The following NEK7 variants were observed in gnomAD, a reference collection of about 807,000 sequenced individuals.
The protein encoded by NEK7 is NIMA related kinase 7.
In NEK7, 18 loss-of-function variants were observed where a neutral mutation model predicts 44.6. The observed-to-expected ratio is 0.40, with a 90% CI of 0.28 to 0.60. The LOEUF is 0.60. Among genes scored for constraint, NEK7 ranks in the 20% least tolerant of loss-of-function variants. The pLI, the probability that NEK7 is intolerant of heterozygous loss-of-function variation, is 0.38. For missense variants in NEK7, 256 were observed against 366.5 expected, an observed-to-expected ratio of 0.70 and a Z score of 2.46; for synonymous variants, 130 against 121.1, an observed-to-expected ratio of 1.07 and a Z score of -0.48.
intron 1 of NEK7, among the ~76,000 whole-genome samples, chr1:198,177,527 T>C (rs1023994861): frequency 2.6e-5 from 4 of 152,106 alleles, no homozygotes; most frequent in African/African-American, 9.7e-5. Flanking sequence ...ATTAAGAGTT[T>C]GGGAAAGGGA....
At chr1:198,310,444 T>C (rs1655144884) in intron 9 of NEK7, among the ~76,000 whole-genome samples, 1 of 149,048 alleles carries the variant, frequency 6.7e-6, no homozygotes, top group Non-Finnish European at 1.5e-5. Context: ...GCTCTTTAGT[T>C]TAATTAGATC....
chr1:198,210,608 G>GA (rs1223458186), intron 1 of NEK7, among the ~76,000 whole-genome samples: 2 of 134,792 alleles, frequency 1.5e-5, no homozygotes, highest in African/African-American at 2.9e-5. Flanking sequence ...AAAAGTATAT[G>GA]AAAAAATCTT....
chr1:198,214,208 G>A (rs985440222), intron 1 of NEK7, among the ~76,000 whole-genome samples: 2 of 152,016 alleles, frequency 1.3e-5, no homozygotes, highest in African/African-American at 2.4e-5. Flanking sequence ...AAAATAATTA[G>A]TAAAAATAGT....
intron 7 of NEK7, among the ~76,000 whole-genome samples, chr1:198,282,110 A>G (rs541909345): frequency 5.3e-5 from 8 of 152,216 alleles, no homozygotes; most frequent in African/African-American, 1.7e-4. Flanking sequence ...ACATTGTCTC[A>G]AAATATCTCT....
chr1:198,252,085 C>T lies in NEK7; in HGVS notation c.58-955C>T, dbSNP rs1005793185. Among the ~76,000 whole-genome samples, 131 of 152,142 alleles carry T rather than the reference C, an allele frequency of 8.6e-4. 2 individuals are homozygous for T. The highest frequency in any genetic ancestry group is 3.1e-3 in the African/African-American group (128 of 41,518). Reference sequence around the variant, plus strand: ...TTCTGGTACGTTGTGTCTTTGTTCTCGTTGGTTTCAAAGAACATCTTTATT... The same window carrying T: ...TTCTGGTACGTTGTGTCTTTGTTCTTGTTGGTTTCAAAGAACATCTTTATT... On this transcript the variant is annotated intron_variant, in intron 2 of 9. Transcript: ENST00000367385.
At chr1:198,230,423 AG>A (rs1350276757) in intron 1 of NEK7, among the ~76,000 whole-genome samples, 1 of 152,174 alleles carries the variant, frequency 6.6e-6, no homozygotes, top group African/African-American at 2.4e-5. Flanking sequence ...AGATTAAAAA[AG>A]AAAAAACATG....
At chr1:198,163,484 C>A (rs969749817) in intron 1 of NEK7, among the ~76,000 whole-genome samples, 1 of 151,434 alleles carries the variant, frequency 6.6e-6, no homozygotes, top group East Asian at 1.9e-4. Flanking sequence ...ACCGCACTCC[C>A]ACCTGGTGAC....
chr1:198,213,432 G>A (rs1665833629), intron 1 of NEK7, among the ~76,000 whole-genome samples: 1 of 152,116 alleles, frequency 6.6e-6, no homozygotes, highest in African/African-American at 2.4e-5. Context: ...TCTCCCCTTT[G>A]CCTACCACTG....
intron 1 of NEK7, among the ~76,000 whole-genome samples, chr1:198,218,618 A>G (rs1665993621): frequency 1.3e-5 from 2 of 151,984 alleles, no homozygotes; most frequent in Admixed American, 6.6e-5. Flanking sequence ...ATAAATAATC[A>G]TCAGAATAGA....
At chr1:198,241,680 G>A (rs566528228) in intron 2 of NEK7, among the ~76,000 whole-genome samples, 1 of 152,332 alleles carries the variant, frequency 6.6e-6, no homozygotes, top group South Asian at 2.1e-4. Context: ...TATTGGCTGG[G>A]ATCAGTTCTT....
chr1:198,192,734 A>G (rs1665115882), intron 1 of NEK7, among the ~76,000 whole-genome samples: 1 of 152,212 alleles, frequency 6.6e-6, no homozygotes, highest in South Asian at 2.1e-4. Flanking sequence ...AATGAAATTA[A>G]GGCAGAAATA....
At chr1:198,164,887 G>A (rs909923016) in intron 1 of NEK7, among the ~76,000 whole-genome samples, 21 of 152,158 alleles carry the variant, frequency 1.4e-4, no homozygotes, top group African/African-American at 4.6e-4. Context: ...AGAAAATCTT[G>A]TACAATTGGA....
intron 1 of NEK7, among the ~76,000 whole-genome samples, chr1:198,231,531 A>G (rs1666399677): frequency 6.6e-6 from 1 of 151,724 alleles, no homozygotes; most frequent in Non-Finnish European, 1.5e-5. Flanking sequence ...AGGTTAAAAA[A>G]TAAAGCTTAC....
rs530668342 is a variant in NEK7 at position 198,273,690 on chromosome 1, G to A, written c.373-4271G>A. On this transcript the variant is annotated intron_variant, in intron 5 of 9. Transcript: ENST00000367385. The stretch of plus-strand genomic sequence containing the variant: ...TCATCTCATGTTAAGACCTTTTATA[G>A]TATTAAATGGACCAATAGGGATCTC... Among the ~76,000 whole-genome samples, 13 of 151,794 alleles carry A rather than the reference G, an allele frequency of 8.6e-5. No homozygotes were observed. The South Asian group carries it at 2.5e-3, about 29-fold the overall frequency.
intron 1 of NEK7, among the ~76,000 whole-genome samples, chr1:198,189,594 T>C (rs1252625471): frequency 6.6e-6 from 1 of 152,184 alleles, no homozygotes; most frequent in Non-Finnish European, 1.5e-5. Flanking sequence ...ATGACCCACT[T>C]ACAGGCCTCA....
chr1:198,315,937 G>A (rs1009640578), intron 9 of NEK7, among the ~76,000 whole-genome samples: 1 of 152,198 alleles, frequency 6.6e-6, no homozygotes, highest in Admixed American at 6.5e-5. Context: ...GCATGTTGGT[G>A]GTTATTGAAG....
intron 7 of NEK7, among the ~76,000 whole-genome samples, chr1:198,289,646 T>C (rs955307559): frequency 6.6e-6 from 1 of 152,312 alleles, no homozygotes; most frequent in East Asian, 1.9e-4. Context: ...GATGCTTCAG[T>C]CGTTGTTTTC....
At chr1:198,307,667 T>C (rs72731939) in intron 9 of NEK7, among the ~76,000 whole-genome samples, 6,695 of 152,216 alleles carry the variant, frequency 0.044, 230 homozygotes, top group Middle Eastern at 0.065. Flanking sequence ...ATCTTACCAC[T>C]GCGTTCACTG....
intron 7 of NEK7, among the ~76,000 whole-genome samples, chr1:198,287,777 C>A (rs1004193421): frequency 1.3e-5 from 2 of 150,952 alleles, no homozygotes; most frequent in African/African-American, 4.8e-5. Context: ...TTGTGCTAAA[C>A]AAATATTTGA....
Sources: gnomAD v4.1 joint callset for allele counts (sites outside exome capture counted in the v4.1 genomes callset) on GRCh38, gnomAD v4.1.1 for gene constraint, MANE v1.5 for transcripts, NCBI Gene and HGNC (gene_info 2026-07-23, HGNC 2026-07-21) for gene names.